Variants in MAP4K3 observed in about 807,000 individuals in gnomAD.
MAP4K3 encodes MAPK/ERK kinase kinase kinase 3.
A neutral mutation model predicts 143.5 loss-of-function variants in MAP4K3; 94 were observed. The observed-to-expected ratio is 0.65, with a 90% confidence interval of 0.55 to 0.78. The LOEUF is 0.78. Among genes scored for constraint, MAP4K3 ranks in the 30% least tolerant of loss-of-function variants. MAP4K3 has a pLI of 0.00. For synonymous variants in MAP4K3, 416 were observed against 347.2 expected (o/e 1.20, Z -2.20); for missense variants, 1,077 against 1,068.1 (o/e 1.01, Z -0.12).
At chr2:39,407,957 A>C (rs187804359) in intron 1 of MAP4K3, among the ~76,000 whole-genome samples, 2 of 152,020 alleles carry the variant, frequency 1.3e-5, no homozygotes, top group Admixed American at 1.3e-4. Flanking sequence ...AAGAGAAGCA[A>C]GCACAGGATT....
chr2:39,387,256 T>A (rs918443824), intron 1 of MAP4K3, among the ~76,000 whole-genome samples: 2 of 149,410 alleles, frequency 1.3e-5, no homozygotes, highest in East Asian at 3.9e-4. Context: ...CTTGTCTGTT[T>A]AAAAAAAAAA....
intron 21 of MAP4K3, among the ~76,000 whole-genome samples, chr2:39,283,062 G>C (rs1681608254): frequency 2.0e-5 from 3 of 152,090 alleles, no homozygotes; most frequent in Non-Finnish European, 2.9e-5. Context: ...TATTTTACTA[G>C]AACACAGATG....
At position 39,265,322 on chromosome 2, in the gene MAP4K3, T is replaced by C. The variant is rs372948471; in HGVS notation, c.2033-16A>G. 277 of 1,416,010 alleles carry C rather than the reference T, an allele frequency of 2.0e-4. 2 individuals are homozygous for C. In the African/African-American group the frequency reaches 3.4e-3, roughly 17 times the overall value. The allele number at this position is 1,416,010 out of a possible 1,614,324, so 87.7% of individuals were successfully genotyped here. A position where few individuals can be genotyped will look rare whatever the true frequency, so the allele number is the denominator to read the frequency against. On this transcript the variant is annotated splice_polypyrimidine_tract_variant and intron_variant, in intron 27 of 33. Coordinates refer to ENST00000263881, the MANE Select transcript of MAP4K3 (RefSeq NM_003618.4). ...GGATTTCTTACTGTCAAAGCAAAAATATAAATGAGTTCTCTTATAAAACAA... is the reference window on the plus strand; with the variant it reads ...GGATTTCTTACTGTCAAAGCAAAAACATAAATGAGTTCTCTTATAAAACAA...
At chr2:39,341,074 T>A (rs1043827150) in intron 4 of MAP4K3, among the ~76,000 whole-genome samples, 1 of 152,074 alleles carries the variant, frequency 6.6e-6, no homozygotes, top group Non-Finnish European at 1.5e-5. Flanking sequence ...GGTAAGCCTG[T>A]TAAGTCCCAA....
In MAP4K3 at chr2:39,347,466, G is replaced by A. The variant is rs1041292320; in HGVS notation, c.246-4014C>T. Reference sequence around the variant, plus strand: ...CTTACAAAAAACAGGTTGAATGACTGTTCTGGGGTCTGCTTAGAATTAACA... The same window carrying A: ...CTTACAAAAAACAGGTTGAATGACTATTCTGGGGTCTGCTTAGAATTAACA... On this transcript the variant is annotated intron_variant, in intron 3 of 33. Transcript: ENST00000263881. Among the ~76,000 whole-genome samples the A allele has an allele frequency of 2.0e-5, 3 of 152,156 alleles. No homozygotes were observed. The East Asian group carries it at 5.8e-4, about 29-fold the overall frequency.
At chr2:39,434,944 A>T (rs1280689631) in intron 1 of MAP4K3, among the ~76,000 whole-genome samples, 1 of 151,390 alleles carries the variant, frequency 6.6e-6, no homozygotes. Flanking sequence ...ACAGGCCCTA[A>T]TTTTTTTTTG....
intron 12 of MAP4K3, among the ~76,000 whole-genome samples, chr2:39,320,587 C>A (rs867505539): frequency 2.0e-5 from 3 of 151,674 alleles, no homozygotes; most frequent in Middle Eastern, 6.8e-3. Context: ...TAAAACCATT[C>A]TATGTGCACT....
At chr2:39,369,205 G>GT (rs68013609) in intron 2 of MAP4K3, among the ~76,000 whole-genome samples, 1,661 of 124,594 alleles carry the variant, frequency 0.013, 1 homozygote, top group Non-Finnish European at 0.02. Flanking sequence ...TTTTTTTTTT[G>GT]TTTTTTTTGA....
chr2:39,265,686 C>T (rs1281701332), intron 27 of MAP4K3, among the ~76,000 whole-genome samples: 3 of 152,094 alleles, frequency 2.0e-5, no homozygotes, highest in Middle Eastern at 3.2e-3. Flanking sequence ...ACAACACATT[C>T]GGGTGGTTCA....
chr2:39,328,875 A>G (rs536303042), intron 8 of MAP4K3, among the ~76,000 whole-genome samples: 68 of 152,338 alleles, frequency 4.5e-4, no homozygotes, highest in African/African-American at 1.6e-3. Flanking sequence ...TATGTCTTAA[A>G]TTGAAATAAA....
intron 1 of MAP4K3, among the ~76,000 whole-genome samples, chr2:39,427,485 C>G (rs985290489): frequency 1.3e-5 from 2 of 152,006 alleles, no homozygotes; most frequent in Admixed American, 1.3e-4. Flanking sequence ...ATAATAAAAA[C>G]TAAACTGGGA....
chr2:39,253,013 TC>T (rs1240614677), intron 32 of MAP4K3, among the ~76,000 whole-genome samples: 1 of 152,260 alleles, frequency 6.6e-6, no homozygotes, highest in Non-Finnish European at 1.5e-5. Flanking sequence ...GTAATGCTTT[TC>T]TTTCTCTGAC....
At chr2:39,370,967 A>G (rs11124679) in intron 2 of MAP4K3, among the ~76,000 whole-genome samples, 135,205 of 152,154 alleles carry the variant, frequency 0.89, 60,290 homozygotes, top group Non-Finnish European at 0.92. Context: ...ATATATATAA[A>G]TTCTATTCTA....
chr2:39,333,569 A>G lies in MAP4K3; in HGVS notation c.420T>C (p.Ala140=), dbSNP rs1683751785. 1 of 1,599,964 alleles carries G rather than the reference A, an allele frequency of 6.3e-7. No homozygotes were observed. The highest frequency in any genetic ancestry group is 1.3e-5 in the African/African-American group (1 of 74,614). ...GACCATTATCCGTTAATAGAATGTT[A>G]GCTCCCTTCAAAGTAACAATATTTT... ...KGKMHRDIKG[A]NILLTDNGHV... Residue 140 remains alanine, a synonymous_variant, in exon 7 of 34, where the codon GCT becomes GCC. Coordinates refer to ENST00000263881, the MANE Select transcript of MAP4K3 (RefSeq NM_003618.4).
chr2:39,312,931 T>C (rs1054667201), intron 13 of MAP4K3, among the ~76,000 whole-genome samples: 13 of 152,196 alleles, frequency 8.5e-5, no homozygotes, highest in African/African-American at 2.4e-4. Context: ...TCCCACCAGA[T>C]TGTACAACCC....
chr2:39,286,731 T>A (rs2148472635), intron 21 of MAP4K3, 121 bp downstream of exon 21: 3 of 434,060 alleles, frequency 6.9e-6, no homozygotes, highest in Non-Finnish European at 1.2e-5. Context: ...TATACTAAAA[T>A]ATCAATATAG....
chr2:39,292,810 A>T lies in MAP4K3; in HGVS notation c.1234T>A (p.Leu412Ile). 3.1e-6 allele frequency: 5 copies of T among 1,613,110 alleles called. No homozygotes were observed. Among genetic ancestry groups the T allele is most frequent in the Non-Finnish European group, 4.2e-6 (5 of 1,179,266 alleles). Residue 412 changes from leucine (L) to isoleucine (I), a missense_variant, in exon 18 of 34, where the codon TTA becomes ATA. By Grantham distance (5) the Leu-to-Ile change is conservative. This residue lies in a region of MAP4K3 where 864 missense variants were observed against 801.2 expected (regional missense o/e 1.08). Transcript: ENST00000263881. ...ELHQRGHVAH[L>I]EDDEGDDDES... The stretch of plus-strand genomic sequence containing the variant: ...TCATCATCTCCTTCATCATCTTCTA[A>T]ATGTGCGACGTGTCCTCTAAATAAA...
rs1475664537 is a variant in MAP4K3, at chr2:39,396,706, C to A, written c.97-18583G>T. 7.9e-5 allele frequency among the ~76,000 whole-genome samples: 12 copies of A among 152,276 alleles called. No homozygotes were observed. The East Asian group carries it at 2.1e-3, about 27-fold the overall frequency. ...ATCAGGATGGTCTCGATCTCCTGAC[C>A]TTGTGATCCGCCCGCCTCGGCCTCC... On this transcript the variant is annotated intron_variant, in intron 1 of 33. Coordinates refer to ENST00000263881, the MANE Select transcript of MAP4K3 (RefSeq NM_003618.4).
chr2:39,378,179 T>C (rs373514312), intron 1 of MAP4K3, 56 bp from the exon 2 acceptor site: 1 of 962,790 alleles, frequency 1.0e-6, no homozygotes, highest in South Asian at 1.6e-5. Context: ...AAAAAGTGTA[T>C]AAAATTTCAC....
Sources: allele counts gnomAD v4.1 joint callset (sites outside exome capture counted in the v4.1 genomes callset), GRCh38; gene constraint gnomAD v4.1.1; regional missense constraint gnomAD v4.1.1; transcripts MANE v1.5; gene names NCBI Gene and HGNC (gene_info 2026-07-23, HGNC 2026-07-21).